DLGAP1: variants seen among roughly 807,000 people sequenced by gnomAD.
DLGAP1 encodes disks large-associated protein 1.
A neutral mutation model predicts 90.8 loss-of-function variants in DLGAP1; 11 were observed. The ratio of observed to expected loss-of-function variants is 0.12; its 90% CI spans 0.08 to 0.20. DLGAP1 has a LOEUF of 0.20. DLGAP1 is among the 10% of genes least tolerant of loss of function. The pLI is 1.00. For synonymous variants in DLGAP1, 558 were observed against 540.7 expected (o/e 1.03, Z -0.44); for missense variants, 1,050 against 1,333.8 (o/e 0.79, Z 3.31).
chr18:4,317,972 T>A (rs569408048), intron 1 of DLGAP1, among the ~76,000 whole-genome samples: 1 of 152,244 alleles, frequency 6.6e-6, no homozygotes, highest in East Asian at 1.9e-4. Context: ...CTCAGCCTCC[T>A]GAGTAGCTGG....
At chr18:3,823,949 CAAAAAAAAAAAAAAA>C (rs60286806) in intron 4 of DLGAP1, among the ~76,000 whole-genome samples, 4 of 36,550 alleles carry the variant, frequency 1.1e-4, no homozygotes, top group African/African-American at 4.5e-4. Flanking sequence ...GACTCCCTCT[CAAAAAAAAAAAAAAA>C]AAAAAAAAAA....
intron 9 of DLGAP1, among the ~76,000 whole-genome samples, chr18:3,546,691 C>T (rs2053043378): frequency 1.3e-5 from 2 of 151,354 alleles, no homozygotes; most frequent in South Asian, 4.2e-4. Context: ...GTATTTCAAA[C>T]CGAATGAAAA....
At chr18:3,891,892 C>T (rs77661629) in intron 3 of DLGAP1, 128 of 152,034 alleles carry the variant, frequency 8.4e-4, no homozygotes, top group African/African-American at 3.0e-3. Context: ...GAATGTGCCA[C>T]CATGCCTGGA....
At chr18:4,279,787 CTT>C (rs1344145726) in intron 1 of DLGAP1, among the ~76,000 whole-genome samples, 1 of 152,120 alleles carries the variant, frequency 6.6e-6, no homozygotes, top group African/African-American at 2.4e-5. Context: ...AATGATAAAA[CTT>C]AAGCATATCA....
chr18:3,712,824 T>G (rs1198869604), intron 7 of DLGAP1, among the ~76,000 whole-genome samples: 2 of 152,234 alleles, frequency 1.3e-5, no homozygotes, highest in Non-Finnish European at 2.9e-5. Flanking sequence ...ACTATAAGTT[T>G]AAGCAAGTGC....
At position 3,625,832 on chromosome 18, in the gene DLGAP1, CTTGAACTACCAATG is replaced by C. The variant is rs1212928157; in HGVS notation, c.1592-43598_1592-43585del. On this transcript the variant is annotated intron_variant, in intron 7 of 12. Coordinates refer to ENST00000315677, the MANE Select transcript of DLGAP1 (RefSeq NM_004746.4). ...TTAATTTCTGGCATGTCACAAATTC[CTTGAACTACCAATG>C]TTGAACTAACCTCCCCTGACCCAGG... 2.6e-5 allele frequency among the ~76,000 whole-genome samples: 4 copies of C among 152,316 alleles called. No homozygotes were observed. In the East Asian group the frequency reaches 7.7e-4, roughly 29 times the overall value.
chr18:3,521,527 C>T (rs768790700), intron 10 of DLGAP1, among the ~76,000 whole-genome samples: 2 of 152,144 alleles, frequency 1.3e-5, no homozygotes, highest in African/African-American at 4.8e-5. Flanking sequence ...ACTGTCTCTT[C>T]CCTTTGGTGC....
chr18:3,960,176 T>C (rs2073169499), intron 3 of DLGAP1, among the ~76,000 whole-genome samples: 1 of 152,246 alleles, frequency 6.6e-6, no homozygotes, highest in South Asian at 2.1e-4. Context: ...CTCAATTTCC[T>C]ATCCCTGATC....
intron 3 of DLGAP1, among the ~76,000 whole-genome samples, chr18:3,996,502 C>T (rs1439575361): frequency 6.6e-6 from 1 of 151,908 alleles, no homozygotes; most frequent in Non-Finnish European, 1.5e-5. Context: ...AAAAATATAG[C>T]ATTTTAATTG....
chr18:4,129,410 A>C (rs2076280821), intron 2 of DLGAP1, among the ~76,000 whole-genome samples: 1 of 152,100 alleles, frequency 6.6e-6, no homozygotes, highest in African/African-American at 2.4e-5. Flanking sequence ...CTTTTCATTA[A>C]AAATTGTATT....
intron 7 of DLGAP1, among the ~76,000 whole-genome samples, chr18:3,608,845 T>G (rs185897896): frequency 3.7e-4 from 56 of 152,282 alleles, no homozygotes; most frequent in African/African-American, 1.3e-3. Context: ...TCTGAAACTT[T>G]TCATTTTTTT....
intron 9 of DLGAP1, among the ~76,000 whole-genome samples, chr18:3,541,512 GA>G (rs1333420402): frequency 6.6e-6 from 1 of 152,196 alleles, no homozygotes; most frequent in Non-Finnish European, 1.5e-5. Context: ...GTACTCCAAG[GA>G]AACTTTGAAG....
chr18:3,673,798 G>A (rs945115744), intron 7 of DLGAP1, among the ~76,000 whole-genome samples: 2 of 150,968 alleles, frequency 1.3e-5, no homozygotes, highest in Admixed American at 6.6e-5. Flanking sequence ...AGCCTGCCTC[G>A]GCCTCCCAAA....
At chr18:3,547,477 C>A (rs2053124911) in intron 9 of DLGAP1, among the ~76,000 whole-genome samples, 1 of 151,358 alleles carries the variant, frequency 6.6e-6, no homozygotes, top group Admixed American at 6.6e-5. Flanking sequence ...AGACATTTCT[C>A]CAAAGAGATA....
At chr18:4,060,330 C>A (rs1013988652) in intron 2 of DLGAP1, among the ~76,000 whole-genome samples, 2 of 152,200 alleles carry the variant, frequency 1.3e-5, no homozygotes, top group African/African-American at 2.4e-5. Context: ...ATGGCACCCC[C>A]TCCCTCTAAA....
intron 6 of DLGAP1, among the ~76,000 whole-genome samples, chr18:3,741,845 T>TC (rs2063064844): frequency 6.6e-6 from 1 of 151,046 alleles, no homozygotes. Context: ...CTTTTTCTTT[T>TC]TCTTTTTTTT....
intron 1 of DLGAP1, among the ~76,000 whole-genome samples, chr18:4,291,698 C>T (rs962967812): frequency 6.6e-6 from 1 of 152,096 alleles, no homozygotes; most frequent in African/African-American, 2.4e-5. Flanking sequence ...TTATGTCTCA[C>T]TATTAATTTA....
chr18:4,182,068 G>A (rs2077219121), intron 1 of DLGAP1, among the ~76,000 whole-genome samples: 1 of 152,110 alleles, frequency 6.6e-6, no homozygotes, highest in Non-Finnish European at 1.5e-5. Context: ...CAGGAGTCGG[G>A]AAAGACTTGC....
At chr18:3,743,521 T>A (rs1393682248) in intron 5 of DLGAP1, among the ~76,000 whole-genome samples, 1 of 151,450 alleles carries the variant, frequency 6.6e-6, no homozygotes, top group Non-Finnish European at 1.5e-5. Flanking sequence ...CGCCTGGCTA[T>A]TTTTTTGTAT....
Sources: gnomAD v4.1 joint callset for allele counts (sites outside exome capture counted in the v4.1 genomes callset) on GRCh38, gnomAD v4.1.1 for gene constraint, MANE v1.5 for transcripts, NCBI Gene and HGNC (gene_info 2026-07-23, HGNC 2026-07-21) for gene names.